The following ABCA3 variants were observed in gnomAD, a reference collection of about 807,000 sequenced individuals.
ABCA3 encodes phospholipid-transporting ATPase ABCA3.
In ABCA3, 88 loss-of-function variants were observed where a neutral mutation model predicts 172.8. The observed-to-expected ratio is 0.51, with a 90% CI of 0.43 to 0.61. The LOEUF is 0.61. Ranked by LOEUF, ABCA3 falls within the 20% of genes least tolerant of loss-of-function variation. The probability of loss-of-function intolerance (pLI) is 0.00; values close to 1 mark genes in which losing one functional copy is unlikely to be tolerated. For missense variants in ABCA3, 2,164 were observed against 2,301.0 expected (o/e 0.94, Z 1.22); for synonymous variants, 1,066 against 983.8 (o/e 1.08, Z -1.56).
At chr16:2,298,281 T>C (rs2093683331) in intron 15 of ABCA3, 105 bp downstream of exon 15, 4 of 1,544,108 alleles carry the variant, frequency 2.6e-6, no homozygotes, top group Non-Finnish European at 3.6e-6. Flanking sequence ...CCCTGGCTCC[T>C]GCCCTCCTGG....
At position 2,288,200 on chromosome 16, in the gene ABCA3, T is replaced by C. The variant is rs2141698001; in HGVS notation, c.2830A>G (p.Ile944Val). The change falls in exon 21 of 33, where the codon ATC becomes GTC. Residue 944 changes from isoleucine to valine, a missense_variant. This residue lies in a region of ABCA3 where 1,343 missense variants were observed against 1,369.6 expected (regional missense o/e 0.98). Coordinates refer to ENST00000301732, the MANE Select transcript of ABCA3 (RefSeq NM_001089.3). ...TCGAAGAGCTCCGAGGAGTAGTTGATGGCCAGGAGGGCCAGGGTGACGCAG... is the reference window on the plus strand; with the variant it reads ...TCGAAGAGCTCCGAGGAGTAGTTGACGGCCAGGAGGGCCAGGGTGACGCAG... ...LTCVTLALLA[I>V]NYSSELFDDP... 1.2e-6 allele frequency: 2 copies of C among 1,602,976 alleles called. No homozygotes were observed. The highest frequency in any genetic ancestry group is 2.2e-5 in the South Asian group (2 of 89,256).
chr16:2,311,616 A>C (rs998802773), intron 10 of ABCA3, among the ~76,000 whole-genome samples: 1 of 151,970 alleles, frequency 6.6e-6, no homozygotes, highest in Non-Finnish European at 1.5e-5. Context: ...TCCGACTCCC[A>C]GGTTCAAGCA....
At chr16:2,337,078 A>ATTT (rs879431925) in intron 1 of ABCA3, among the ~76,000 whole-genome samples, 12 of 130,102 alleles carry the variant, frequency 9.2e-5, no homozygotes, top group African/African-American at 3.4e-4. Flanking sequence ...ATACCTGGCT[A>ATTT]TTTTTTTTTT....
Position 2,283,404 on chromosome 16 carries a change from C to A in ABCA3, c.3863-46G>T. 3 of 1,597,430 alleles carry A rather than the reference C, an allele frequency of 1.9e-6. No individual in the cohort carries two copies. The highest frequency in any genetic ancestry group is 2.6e-6 in the Non-Finnish European group (3 of 1,169,832). ...TGTGCCCCGAGGCCTGGGGCACCCT[C>A]CTCCCCTTCCAGGTTCCCGGCCCCC... On this transcript the variant is annotated intron_variant, in intron 25 of 32. Coordinates refer to ENST00000301732, the MANE Select transcript of ABCA3 (RefSeq NM_001089.3). This position sits in a 1 kb window ranked among gnomAD's most constrained non-coding sequence, Gnocchi z 5.4.
chr16:2,304,854 T>C (rs1567346113), intron 11 of ABCA3, among the ~76,000 whole-genome samples: 1 of 152,046 alleles, frequency 6.6e-6, no homozygotes, highest in Non-Finnish European at 1.5e-5. Flanking sequence ...TTTTTGTATT[T>C]TTAGTAGAGA....
intron 10 of ABCA3, among the ~76,000 whole-genome samples, chr16:2,309,780 T>A (rs1462476490): frequency 6.6e-6 from 1 of 152,104 alleles, no homozygotes; most frequent in African/African-American, 2.4e-5. Context: ...GTACCATGCC[T>A]AGCTAATTTT....
chr16:2,314,964 G>A (rs959572751), intron 10 of ABCA3, among the ~76,000 whole-genome samples: 9 of 138,352 alleles, frequency 6.5e-5, no homozygotes, highest in Admixed American at 3.2e-4. Context: ...TGCAACCTCC[G>A]CCTCCTGGGT....
chr16:2,308,324 C>T (rs2093700984), intron 11 of ABCA3, 126 bp downstream of exon 11: 1 of 1,165,596 alleles, frequency 8.6e-7, no homozygotes, highest in Non-Finnish European at 1.3e-6. Context: ...GATGCTGCTG[C>T]CTTCAGTGGT....
At chr16:2,293,656 G>C (rs1361522991) in intron 18 of ABCA3, among the ~76,000 whole-genome samples, 1 of 151,140 alleles carries the variant, frequency 6.6e-6, no homozygotes, top group African/African-American at 2.4e-5. Flanking sequence ...TCTTGCCTCA[G>C]CCTCCCGAGT....
rs544213510 is a variant in ABCA3, at chr16:2,284,256, G to C, written c.3862+23C>G. On this transcript the variant is annotated intron_variant, in intron 25 of 32. Transcript: ENST00000301732. This position sits in a 1 kb window ranked among gnomAD's most constrained non-coding sequence, Gnocchi z 5.9. ...TCCTGAGGACGCAGGGGTGCTGCCC[G>C]GGGTCGGGGCTGGGACACTCACTAT... 1 of 1,607,968 alleles carries C rather than the reference G, an allele frequency of 6.2e-7. No individual in the cohort carries two copies. Among genetic ancestry groups the C allele is most frequent in the East Asian group, 2.2e-5 (1 of 44,752 alleles).
rs45620539 is a variant in ABCA3, at chr16:2,295,664, G to A, written c.2340C>T (p.His780=). ...TGCTCTCCAGCGTGGCGTTGGGCAC[G>A]TGGTGGTGGACCAGCTGGGAGATGT... ...PEDISQLVHH[H]VPNATLESSA... The change falls in exon 18 of 33, where the codon CAC becomes CAT. Residue 780 remains histidine, a synonymous_variant. Transcript: ENST00000301732. 881 of 1,614,076 alleles carry A rather than the reference G, an allele frequency of 5.5e-4. 1 individual carries two copies. Among genetic ancestry groups the A allele is most frequent in the African/African-American group, 5.0e-3 (374 of 75,078 alleles).
At chr16:2,322,560 G>T (rs536548915) in intron 7 of ABCA3, among the ~76,000 whole-genome samples, 81 of 121,456 alleles carry the variant, frequency 6.7e-4, no homozygotes, top group African/African-American at 2.5e-3. Flanking sequence ...GCCCCAGTGT[G>T]TGATGTTCCC....
intron 5 of ABCA3, 144 bp from the exon 6 acceptor site, chr16:2,324,675 A>T: frequency 7.8e-7 from 1 of 1,290,276 alleles, no homozygotes; most frequent in Non-Finnish European, 1.1e-6. Context: ...GGCAGCTTTC[A>T]TCTTTGGCAG....
chr16:2,319,721 A>C lies in ABCA3; in HGVS notation c.733T>G (p.Phe245Val). 6.2e-7 allele frequency: 1 copy of C among 1,612,764 alleles called. No homozygotes were observed. The highest frequency in any genetic ancestry group is 8.5e-7 in the Non-Finnish European group (1 of 1,179,708). Residue 245 changes from phenylalanine (F) to valine (V), a missense_variant, in exon 8 of 33, where the codon TTC becomes GTC. Phe to Val is a conservative substitution (Grantham distance 50, BLOSUM62 -1). Around this residue, in one of 3 missense-constraint regions of ABCA3, gnomAD observed 1,343 missense variants for 1,369.6 expected, o/e 0.98. Transcript: ENST00000301732. ...TCTGCGATGAACGGCGGGTACGGGA[A>C]CCTCTTGATGGTCACCGTCAGTCTC... ...FQRLTVTIKRFPYPPFIADPF... is the reference protein window; with the variant it reads ...FQRLTVTIKRVPYPPFIADPF...
At position 2,300,827 on chromosome 16, in the gene ABCA3, C is replaced by T. The variant is rs79743789; in HGVS notation, c.1468-679G>A. On this transcript the variant is annotated intron_variant, in intron 12 of 32. Transcript: ENST00000301732. ...GCTGCGGGGCGGGGACTCGTTTACC[C>T]GCAGCTCCACGCCCAGTGCACTTCC... is the stretch of plus-strand genomic sequence containing the variant. 6.5e-3 allele frequency among the ~76,000 whole-genome samples: 983 copies of T among 152,350 alleles called. 8 individuals carry two copies. Among genetic ancestry groups the T allele is most frequent in the Admixed American group, 9.5e-3 (145 of 15,300 alleles).
chr16:2,278,867 G>A lies in ABCA3; in HGVS notation c.4547+76C>T. On this transcript the variant is annotated intron_variant, in intron 29 of 32. Coordinates refer to ENST00000301732, the MANE Select transcript of ABCA3 (RefSeq NM_001089.3). The surrounding 1 kb of genome is among the most constrained non-coding windows in gnomAD (Gnocchi z 4.4). ...GGAGCTCTGGCTGCTGACCTGAGCG[G>A]TCACTCCCAGCTCTATGCTATGGGG... The A allele has an allele frequency of 1.3e-6, 2 of 1,598,738 alleles. No individual in the cohort carries two copies. Among genetic ancestry groups the A allele is most frequent in the Non-Finnish European group, 1.7e-6 (2 of 1,171,148 alleles).
intron 7 of ABCA3, among the ~76,000 whole-genome samples, chr16:2,320,546 C>A (rs893565895): frequency 6.6e-6 from 1 of 151,288 alleles, no homozygotes; most frequent in African/African-American, 2.4e-5. Flanking sequence ...CACACCACCA[C>A]GCCCAGCTAA....
At chr16:2,299,318 T>G in intron 14 of ABCA3, 85 bp downstream of exon 14, 37 of 1,558,314 alleles carry the variant, frequency 2.4e-5, no homozygotes, top group African/African-American at 4.0e-5. Context: ...GAAAGCCCCA[T>G]TGAGGGAGTG....
chr16:2,297,841 G>C lies in ABCA3; in HGVS notation c.1977C>G (p.Asn659Lys). Residue 659 changes from asparagine (N) to lysine (K), a missense_variant, in exon 16 of 33, where the codon AAC (asparagine) becomes AAG (lysine). Transcript: ENST00000301732. This position sits in a 1 kb window ranked among gnomAD's most constrained non-coding sequence, Gnocchi z 5.6. ...LHIIGLEDKW[N>K]SRSRFLSGGM... ...CCCCGCTCAGGAAGCGGCTCCGTGA[G>C]TTCCACTTGTCCTCCAGGCCGATGA... The C allele has an allele frequency of 2.5e-6, 4 of 1,613,838 alleles. No homozygotes were observed. Among genetic ancestry groups the C allele is most frequent in the Non-Finnish European group, 3.4e-6 (4 of 1,180,046 alleles).
Sources: gnomAD v4.1 joint callset for allele counts (sites outside exome capture counted in the v4.1 genomes callset) on GRCh38, gnomAD v4.1.1 for gene constraint, gnomAD v4.1.1 regional missense constraint, Gnocchi (gnomAD v3.1) non-coding constraint, MANE v1.5 for transcripts, NCBI Gene and HGNC (gene_info 2026-07-23, HGNC 2026-07-21) for gene names.